Variants in PCSK2 observed in about 807,000 individuals in gnomAD.
PCSK2 encodes the protein neuroendocrine convertase 2.
PCSK2 carries 14 observed loss-of-function variants against 69.7 expected under a neutral mutation model. The ratio of observed to expected loss-of-function variants is 0.20; its 90% CI spans 0.13 to 0.31. The LOEUF is 0.31. Among genes scored for constraint, PCSK2 ranks in the 10% least tolerant of loss-of-function variants. The probability of loss-of-function intolerance (pLI) is 1.00; values close to 1 mark genes in which losing one functional copy is unlikely to be tolerated. For missense variants in PCSK2, 544 were observed against 842.5 expected (o/e 0.65, Z 4.39); for synonymous variants, 307 against 320.7 (o/e 0.96, Z 0.46).
intron 6 of PCSK2, among the ~76,000 whole-genome samples, chr20:17,422,761 T>G (rs1055381788): frequency 2.0e-5 from 3 of 151,948 alleles, no homozygotes; most frequent in African/African-American, 7.3e-5. Flanking sequence ...TAATATGAGA[T>G]TGTAGGGTTA....
At chr20:17,323,023 C>T (rs190389020) in intron 2 of PCSK2, among the ~76,000 whole-genome samples, 28 of 152,204 alleles carry the variant, frequency 1.8e-4, no homozygotes, top group Non-Finnish European at 3.4e-4. Context: ...TGCCACCACG[C>T]CTGGCTAATT....
intron 2 of PCSK2, among the ~76,000 whole-genome samples, chr20:17,280,638 C>G (rs943255816): frequency 6.6e-6 from 1 of 152,196 alleles, no homozygotes; most frequent in Non-Finnish European, 1.5e-5. Flanking sequence ...GGGAAATGCT[C>G]TAACATCTGT....
chr20:17,373,731 A>G (rs1253676335), intron 5 of PCSK2, among the ~76,000 whole-genome samples: 3 of 152,240 alleles, frequency 2.0e-5, no homozygotes, highest in African/African-American at 7.2e-5. Context: ...TCTGTATATT[A>G]AGAGAGGAAA....
At chr20:17,226,994 G>A (rs1363197123), upstream of PCSK2, 1 of 216,166 alleles carries the variant, frequency 4.6e-6, no homozygotes, top group Non-Finnish European at 9.0e-6. Flanking sequence ...TGGAGCTGAG[G>A]AGGAGCTGAA....
chr20:17,369,184 G>T (rs1038361252), intron 4 of PCSK2, 56 bp from the exon 5 acceptor site: 2 of 1,515,224 alleles, frequency 1.3e-6, no homozygotes, highest in African/African-American at 2.7e-5. Flanking sequence ...GCTTTCCTGA[G>T]GACACAGTGG....
intron 4 of PCSK2, among the ~76,000 whole-genome samples, chr20:17,365,375 A>C (rs549079803): frequency 6.6e-6 from 1 of 152,294 alleles, no homozygotes; most frequent in South Asian, 2.1e-4. Context: ...TATTGCAACT[A>C]GGGATTAAGT....
intron 11 of PCSK2, among the ~76,000 whole-genome samples, chr20:17,469,972 A>G (rs73251901): frequency 6.7e-4 from 102 of 152,316 alleles, no homozygotes; most frequent in African/African-American, 2.4e-3. Flanking sequence ...CATCACTGGC[A>G]TTCCAGAGGC....
intron 8 of PCSK2, among the ~76,000 whole-genome samples, chr20:17,443,719 T>C (rs1040117873): frequency 6.6e-6 from 1 of 152,136 alleles, no homozygotes; most frequent in African/African-American, 2.4e-5. Context: ...CTCCACTGCC[T>C]CTCGAAGCAG....
chr20:17,353,375 G>A (rs1287849981), intron 2 of PCSK2, among the ~76,000 whole-genome samples: 1 of 150,566 alleles, frequency 6.6e-6, no homozygotes. Flanking sequence ...TGAGGCAGGA[G>A]AATCGCTTGA....
intron 2 of PCSK2, among the ~76,000 whole-genome samples, chr20:17,339,677 C>T (rs1214245724): frequency 2.0e-5 from 3 of 152,018 alleles, no homozygotes; most frequent in Non-Finnish European, 2.9e-5. Context: ...GCTTTTCCAA[C>T]GGTTCTGTTT....
chr20:17,267,562 T>A (rs548345131), intron 2 of PCSK2, among the ~76,000 whole-genome samples: 8 of 152,292 alleles, frequency 5.3e-5, no homozygotes, highest in Non-Finnish European at 1.2e-4. Context: ...GTGCTATAAT[T>A]AACTATTTGT....
intron 1 of PCSK2, among the ~76,000 whole-genome samples, chr20:17,239,716 TAAAC>T (rs1986485759): frequency 6.6e-6 from 1 of 151,516 alleles, no homozygotes; most frequent in Non-Finnish European, 1.5e-5. Flanking sequence ...GTAAGTTCAG[TAAAC>T]AAACATAATG....
chr20:17,312,654 G>T (rs1191437975), intron 2 of PCSK2, among the ~76,000 whole-genome samples: 3 of 152,078 alleles, frequency 2.0e-5, no homozygotes, highest in African/African-American at 4.8e-5. Flanking sequence ...CCAATTAGGG[G>T]CCAGGTCAGA....
chr20:17,240,241 G>A (rs1232690125), intron 1 of PCSK2, among the ~76,000 whole-genome samples: 5 of 152,048 alleles, frequency 3.3e-5, no homozygotes, highest in Non-Finnish European at 7.4e-5. Flanking sequence ...TAGAGTCAGT[G>A]TGGGAGGAGA....
intron 2 of PCSK2, among the ~76,000 whole-genome samples, chr20:17,270,960 T>C (rs966841342): frequency 3.9e-5 from 6 of 152,072 alleles, no homozygotes; most frequent in African/African-American, 1.4e-4. Context: ...AGTTAGTCTG[T>C]AAAATGCCCT....
intron 2 of PCSK2, among the ~76,000 whole-genome samples, chr20:17,287,059 T>C (rs1988536102): frequency 6.6e-6 from 1 of 152,150 alleles, no homozygotes; most frequent in Non-Finnish European, 1.5e-5. Flanking sequence ...AAGCGGACCA[T>C]AGTCTTTTCT....
At chr20:17,259,131 C>T (rs1056195934) in intron 1 of PCSK2, among the ~76,000 whole-genome samples, 2 of 152,112 alleles carry the variant, frequency 1.3e-5, no homozygotes, top group African/African-American at 4.8e-5. Context: ...ACCACATCTG[C>T]TTCCCTTTTC....
At chr20:17,460,657 G>A (rs1334675360) in intron 10 of PCSK2, among the ~76,000 whole-genome samples, 2 of 152,042 alleles carry the variant, frequency 1.3e-5, no homozygotes, top group Non-Finnish European at 2.9e-5. Context: ...CTGAAATATT[G>A]TTTTTTTAGG....
intron 7 of PCSK2, among the ~76,000 whole-genome samples, chr20:17,435,076 G>A (rs2032455659): frequency 6.6e-6 from 1 of 152,158 alleles, no homozygotes; most frequent in Non-Finnish European, 1.5e-5. Flanking sequence ...GAGAAAGAAT[G>A]CTAACTGATA....
Sources: allele counts gnomAD v4.1 joint callset (sites outside exome capture counted in the v4.1 genomes callset), GRCh38; gene constraint gnomAD v4.1.1; transcripts MANE v1.5; gene names NCBI Gene and HGNC (gene_info 2026-07-23, HGNC 2026-07-21).